The following MTFR1 variants were observed in gnomAD, a reference collection of about 807,000 sequenced individuals.
MTFR1 encodes the protein chondrocyte protein with a poly-proline region.
A neutral mutation model predicts 38.8 loss-of-function variants in MTFR1; 28 were observed. The ratio of observed to expected loss-of-function variants is 0.72; its 90% CI spans 0.53 to 0.99. MTFR1 has a LOEUF of 0.99. Among genes scored for constraint, MTFR1 ranks in the 50% least tolerant of loss-of-function variants. The pLI is 0.00. For synonymous variants in MTFR1, 145 were observed against 137.0 expected (o/e 1.06, Z -0.41); for missense variants, 358 against 395.5 (o/e 0.91, Z 0.81).
At chr8:65,720,888 A>G (rs1413703994) in intron 3 of MTFR1, among the ~76,000 whole-genome samples, 2 of 152,216 alleles carry the variant, frequency 1.3e-5, no homozygotes, top group Non-Finnish European at 2.9e-5. Flanking sequence ...CCATAAAGTC[A>G]TAAGCCACTG....
At chr8:65,739,677 G>A (rs992942581) in intron 3 of MTFR1, 9 of 1,263,324 alleles carry the variant, frequency 7.1e-6, no homozygotes, top group Non-Finnish European at 9.2e-6. Flanking sequence ...TACAGATTTT[G>A]AATATAAAAC....
intron 4 of MTFR1, among the ~76,000 whole-genome samples, chr8:65,698,006 T>A (rs780637582): frequency 1.3e-5 from 2 of 152,160 alleles, no homozygotes; most frequent in Non-Finnish European, 2.9e-5. Context: ...TTCGTTTTGA[T>A]GAAGTCTAAT....
Position 65,731,467 on chromosome 8 carries a change from A to G in MTFR1, c.*48+11986A>G, listed in dbSNP as rs1563474593. 3 of 152,350 alleles carry G rather than the reference A, an allele frequency of 2.0e-5. No individual in the cohort carries two copies. In the East Asian group the frequency reaches 5.8e-4, roughly 29 times the overall value. 9.4% of individuals were successfully genotyped at this position (152,350 alleles called of 1,614,324 possible). ...AGTATAGTTATTAAGTAAAATAGCT[A>G]ATTTAAACTCATTATAGAAACATGA... On this transcript the variant is annotated intron_variant, in intron 3 of 3. Coordinates refer to the MTFR1 transcript ENST00000521247.
At chr8:65,689,265 G>A (rs1004860771) in intron 3 of MTFR1, among the ~76,000 whole-genome samples, 1 of 152,170 alleles carries the variant, frequency 6.6e-6, no homozygotes, top group African/African-American at 2.4e-5. Context: ...TCCCAGCACT[G>A]TTGTGTTTAT....
intron 1 of MTFR1, among the ~76,000 whole-genome samples, chr8:65,654,888 T>C (rs1004470115): frequency 6.6e-6 from 1 of 152,160 alleles, no homozygotes; most frequent in Non-Finnish European, 1.5e-5. Context: ...GGCAATTTTT[T>C]ATACACATAA....
intron 3 of MTFR1, chr8:65,745,292 C>A: frequency 1.4e-6 from 1 of 706,460 alleles, no homozygotes; most frequent in Admixed American, 2.5e-5. Flanking sequence ...ACACTCTCTT[C>A]CAGCAGAGGG....
intron 3 of MTFR1, among the ~76,000 whole-genome samples, chr8:65,735,339 C>T (rs1392060662): frequency 1.3e-5 from 2 of 152,124 alleles, no homozygotes; most frequent in African/African-American, 4.8e-5. Context: ...GACAGGATCT[C>T]ACTTCGTTGC....
At chr8:65,732,002 T>C (rs1475752049) in intron 3 of MTFR1, among the ~76,000 whole-genome samples, 1 of 151,874 alleles carries the variant, frequency 6.6e-6, no homozygotes, top group Non-Finnish European at 1.5e-5. Flanking sequence ...GTTGTTGTTG[T>C]TGTTGTTGTT....
At chr8:65,777,079 T>C in the MTFR1 span, among the ~76,000 whole-genome samples, 3 of 48,650 alleles carry the variant, frequency 6.2e-5, no homozygotes, top group Admixed American at 3.4e-4. Context: ...ATCAAATGCT[T>C]TTTTTTTTTT....
chr8:65,769,699 C>G (rs965475066), intron 3 of MTFR1, among the ~76,000 whole-genome samples: 42 of 152,144 alleles, frequency 2.8e-4, no homozygotes, highest in African/African-American at 9.7e-4. Context: ...AGTTTGACAC[C>G]AGCCTGGCCA....
downstream of MTFR1, among the ~76,000 whole-genome samples, chr8:65,773,580 C>T (rs1809173101): frequency 6.6e-6 from 1 of 152,092 alleles, no homozygotes; most frequent in Admixed American, 6.5e-5. Flanking sequence ...ATTTTTTTGT[C>T]ATTAAGTTTC....
At chr8:65,661,406 G>A (rs1400436926) in intron 1 of MTFR1, among the ~76,000 whole-genome samples, 1 of 152,204 alleles carries the variant, frequency 6.6e-6, no homozygotes, top group Non-Finnish European at 1.5e-5. Flanking sequence ...GGGAGGCTGA[G>A]GGGGTGTATC....
chr8:65,772,986 C>T (rs1009716695), downstream of MTFR1, among the ~76,000 whole-genome samples: 9 of 151,630 alleles, frequency 5.9e-5, no homozygotes, highest in Admixed American at 4.6e-4. Context: ...CCAGCCTGGG[C>T]GACAGATTGA....
Position 65,707,132 on chromosome 8 carries a change from C to A in MTFR1, c.640C>A (p.Arg214=), listed in dbSNP as rs567186061. 6.8e-7 allele frequency: 1 copy of A among 1,474,200 alleles called. No individual in the cohort carries two copies. The highest frequency in any genetic ancestry group is 9.2e-7 in the Non-Finnish European group (1 of 1,091,306). 91.3% of individuals were successfully genotyped at this position (1,474,200 alleles called of 1,614,324 possible). A position where few individuals can be genotyped will look rare whatever the true frequency, so the allele number is the denominator to read the frequency against. ...STSAVDLIKE[R]REKRANAGKT... is the part of the protein sequence containing the mutation. ...ATCTGCTGTTGATCTGATTAAAGAA[C>A]GAAGAGAGAAAAGAGCCAATGCTGG... Residue 214 remains arginine (R), a synonymous_variant, in exon 6 of 8, where the codon CGA becomes AGA. Transcript: ENST00000262146.
intron 1 of MTFR1, among the ~76,000 whole-genome samples, chr8:65,648,320 T>C (rs1210378226): frequency 6.6e-6 from 1 of 152,116 alleles, no homozygotes; most frequent in Non-Finnish European, 1.5e-5. Context: ...CCTGGCCCAT[T>C]TGTTTCTTTA....
In MTFR1 at chr8:65,646,160, G is replaced by A. The variant is rs538287896; in HGVS notation, c.-81+1376G>A. Among the ~76,000 whole-genome samples, 232 of 152,282 alleles carry A rather than the reference G, an allele frequency of 1.5e-3. 3 individuals are homozygous for A. Among genetic ancestry groups the A allele is most frequent in the Non-Finnish European group, 1.6e-3 (111 of 68,028 alleles). On this transcript the variant is annotated intron_variant, in intron 1 of 7. Coordinates refer to ENST00000262146, the MANE Select transcript of MTFR1 (RefSeq NM_014637.4). Reference sequence around the variant, plus strand: ...TGTCGAGTTCTTAGTATGTATGAAGGACTGTGAAGTTGTTTCCACCTACTC... The same window carrying A: ...TGTCGAGTTCTTAGTATGTATGAAGAACTGTGAAGTTGTTTCCACCTACTC...
At chr8:65,737,559 C>G (rs912820002) in intron 3 of MTFR1, among the ~76,000 whole-genome samples, 2 of 152,138 alleles carry the variant, frequency 1.3e-5, no homozygotes, top group Non-Finnish European at 2.9e-5. Flanking sequence ...GGCTGGAGTA[C>G]AGTGGCGCGA....
Position 65,693,652 on chromosome 8 carries a change from C to T in MTFR1, c.174C>T (p.Ser58=). The T allele has an allele frequency of 6.2e-7, 1 of 1,613,634 alleles. No individual in the cohort carries two copies. Among genetic ancestry groups the T allele is most frequent in the East Asian group, 2.2e-5 (1 of 44,862 alleles). Residue 58 remains serine, a synonymous_variant, in exon 4 of 8, where the codon AGC becomes AGT. Coordinates refer to ENST00000262146, the MANE Select transcript of MTFR1 (RefSeq NM_014637.4). ...QCPRVQFQIN[S]HATEWSPSHP... ...CTATTTATAACTTACAGATTAACAGCCATGCAACAGAATGGAGTCCCAGCC... is the reference window on the plus strand; with the variant it reads ...CTATTTATAACTTACAGATTAACAGTCATGCAACAGAATGGAGTCCCAGCC...
upstream of MTFR1, among the ~76,000 whole-genome samples, chr8:65,644,233 A>T (rs948193052): frequency 3.9e-5 from 6 of 152,214 alleles, no homozygotes; most frequent in Admixed American, 3.3e-4. Flanking sequence ...ATGGTAAAGT[A>T]AAATACTTAT....
Sources: allele counts gnomAD v4.1 joint callset (sites outside exome capture counted in the v4.1 genomes callset), GRCh38; gene constraint gnomAD v4.1.1; transcripts MANE v1.5; gene names NCBI Gene and HGNC (gene_info 2026-07-23, HGNC 2026-07-21).